The following TENM3 variants were observed in gnomAD, a reference collection of about 807,000 sequenced individuals.
TENM3 encodes teneurin-3.
Under a neutral mutation model 255.1 loss-of-function variants are expected in TENM3, and 63 were observed. That is an observed-to-expected ratio of 0.25 (90% CI 0.20 to 0.30). The LOEUF is 0.30. Among genes scored for constraint, TENM3 ranks in the 10% least tolerant of loss-of-function variants. The pLI, the probability that TENM3 is intolerant of heterozygous loss-of-function variation, is 1.00. For missense variants in TENM3, 2,929 were observed against 3,461.1 expected (o/e 0.85, Z 3.86); for synonymous variants, 1,306 against 1,322.3 (o/e 0.99, Z 0.27).
the TENM3 span, among the ~76,000 whole-genome samples, chr4:181,925,942 T>C: frequency 7.2e-5 from 11 of 152,244 alleles, no homozygotes; most frequent in East Asian, 2.1e-3. Context: ...GTTAGCTTAG[T>C]AAAATCACTA....
chr4:182,453,615 T>G (rs1299064493), intron 3 of TENM3, among the ~76,000 whole-genome samples: 1 of 152,180 alleles, frequency 6.6e-6, no homozygotes, highest in Non-Finnish European at 1.5e-5. Context: ...ACTTAAAATT[T>G]GTAAAAAATT....
At chr4:182,542,485 A>G (rs943840537) in intron 3 of TENM3, among the ~76,000 whole-genome samples, 15 of 152,162 alleles carry the variant, frequency 9.9e-5, no homozygotes, top group Non-Finnish European at 2.1e-4. Context: ...TTCTTTCTCC[A>G]CCTAGAGCCA....
chr4:182,564,649 G>T (rs1743585083), intron 3 of TENM3, among the ~76,000 whole-genome samples: 1 of 151,258 alleles, frequency 6.6e-6, no homozygotes, highest in Admixed American at 6.6e-5. Context: ...AATATTGAAG[G>T]CATATTTGTT....
chr4:182,686,335 CTGGTCT>C (rs1756570543), intron 11 of TENM3, among the ~76,000 whole-genome samples: 1 of 152,040 alleles, frequency 6.6e-6, no homozygotes, highest in Non-Finnish European at 1.5e-5. Flanking sequence ...CTGAAAATAT[CTGGTCT>C]TGTGTACCTC....
chr4:181,605,803 A>C, the TENM3 span, among the ~76,000 whole-genome samples: 2 of 152,196 alleles, frequency 1.3e-5, no homozygotes, highest in Non-Finnish European at 2.9e-5. Context: ...CTAATTGTCC[A>C]AAAACAAGTT....
At chr4:181,623,594 T>C in the TENM3 span, among the ~76,000 whole-genome samples, 4 of 152,248 alleles carry the variant, frequency 2.6e-5, no homozygotes, top group African/African-American at 7.2e-5. Context: ...ACACTTGATA[T>C]GAAAATCATT....
chr4:181,542,439 T>G, the TENM3 span, among the ~76,000 whole-genome samples: 2 of 152,192 alleles, frequency 1.3e-5, no homozygotes, highest in African/African-American at 2.4e-5. Flanking sequence ...GATTTCTGTT[T>G]ATGAAGGAAT....
In TENM3 at chr4:182,224,932, C is replaced by T. The variant is rs563505644; in HGVS notation, c.-76+80178C>T. On this transcript the variant is annotated intron_variant, in intron 1 of 2. Transcript: ENST00000512480. ...TTGTATTTTTAGTGACGGGGTTTCA[C>T]CATGTTGGTCAGGCTGGTCTCGAAC... Among the ~76,000 whole-genome samples the T allele has an allele frequency of 1.7e-4, 26 of 152,076 alleles. 1 individual carries two copies. The South Asian group carries it at 5.4e-3, about 32-fold the overall frequency.
chr4:182,705,394 C>T lies in TENM3; in HGVS notation c.2222-8693C>T, dbSNP rs76765094. Among the ~76,000 whole-genome samples, 1,136 of 152,236 alleles carry T rather than the reference C, an allele frequency of 7.5e-3. 38 individuals carry two copies. Among genetic ancestry groups the T allele is most frequent in the East Asian group, 0.053 (277 of 5,182 alleles). On this transcript the variant is annotated intron_variant, in intron 12 of 27. Coordinates refer to ENST00000511685, the MANE Select transcript of TENM3 (RefSeq NM_001080477.4). ...GAATATGTCTGTATTTTATGATGTA[C>T]GTATCTGATGTCTACACTATACCGA...
chr4:182,516,003 T>G (rs1737903281), intron 3 of TENM3, among the ~76,000 whole-genome samples: 1 of 152,244 alleles, frequency 6.6e-6, no homozygotes, highest in African/African-American at 2.4e-5. Context: ...AGTTTATTGT[T>G]GAGTCCAGGA....
chr4:181,853,237 A>G, the TENM3 span, among the ~76,000 whole-genome samples: 1 of 152,218 alleles, frequency 6.6e-6, no homozygotes, highest in Non-Finnish European at 1.5e-5. Context: ...TCCTCAAGGG[A>G]ATTTATCTCC....
chr4:182,633,172 TCCTCTTG>T (rs1190828023), intron 5 of TENM3, among the ~76,000 whole-genome samples: 1 of 152,192 alleles, frequency 6.6e-6, no homozygotes, highest in Non-Finnish European at 1.5e-5. Flanking sequence ...GATCAAGCTG[TCCTCTTG>T]CCTCAGCCTC....
At chr4:181,553,351 CAT>C in the TENM3 span, among the ~76,000 whole-genome samples, 801 of 144,770 alleles carry the variant, frequency 5.5e-3, 11 homozygotes, top group African/African-American at 0.019. Context: ...CACACACACA[CAT>C]ATGTGTAATA....
At chr4:182,649,876 T>A (rs1753098548) in intron 5 of TENM3, among the ~76,000 whole-genome samples, 1 of 150,318 alleles carries the variant, frequency 6.7e-6, no homozygotes, top group Non-Finnish European at 1.5e-5. Context: ...TTTCACTTCC[T>A]TCTCTATGGA....
chr4:182,458,211 T>C (rs866689290), intron 3 of TENM3, among the ~76,000 whole-genome samples: 6 of 152,334 alleles, frequency 3.9e-5, no homozygotes, highest in Middle Eastern at 3.4e-3. Context: ...ATTAGCATCA[T>C]TGATTTGAAA....
chr4:182,095,258 A>C, the TENM3 span, among the ~76,000 whole-genome samples: 1 of 152,360 alleles, frequency 6.6e-6, no homozygotes, highest in East Asian at 1.9e-4. Context: ...CACAATGGCC[A>C]AGATACAGAA....
chr4:182,787,114 T>C (rs1004195035), intron 24 of TENM3, among the ~76,000 whole-genome samples: 2 of 152,308 alleles, frequency 1.3e-5, no homozygotes, highest in Admixed American at 6.5e-5. Flanking sequence ...GCTCAACTCA[T>C]AAAGTTTCAC....
the TENM3 span, among the ~76,000 whole-genome samples, chr4:181,969,592 G>C: frequency 2.0e-5 from 3 of 152,184 alleles, no homozygotes; most frequent in African/African-American, 7.2e-5. Flanking sequence ...AAGTAAATGT[G>C]TTAGAATGTA....
At chr4:181,557,512 G>A in the TENM3 span, among the ~76,000 whole-genome samples, 5 of 152,000 alleles carry the variant, frequency 3.3e-5, no homozygotes, top group Admixed American at 6.6e-5. Flanking sequence ...AAGTACACAC[G>A]TCTCCATATA....
Sources: allele counts gnomAD v4.1 joint callset (sites outside exome capture counted in the v4.1 genomes callset), GRCh38; gene constraint gnomAD v4.1.1; transcripts MANE v1.5; gene names NCBI Gene and HGNC (gene_info 2026-07-23, HGNC 2026-07-21).